The following LAMB3 variants were observed in gnomAD, a reference collection of about 807,000 sequenced individuals.
LAMB3 encodes laminin subunit beta 3.
In LAMB3, 104 loss-of-function variants were observed where a neutral mutation model predicts 140.3. The observed-to-expected ratio is 0.74, with a 90% confidence interval of 0.63 to 0.87. The LOEUF (loss-of-function observed/expected upper bound fraction) is 0.87. Ranked by LOEUF, LAMB3 falls within the 40% of genes least tolerant of loss-of-function variation. The probability of loss-of-function intolerance (pLI) is 0.00; values close to 1 mark genes in which losing one functional copy is unlikely to be tolerated. For synonymous variants in LAMB3, 592 were observed against 602.9 expected (o/e 0.98, Z 0.26); for missense variants, 1,531 against 1,575.2 (o/e 0.97, Z 0.47).
rs1666286589 is a variant in LAMB3, at chr1:209,623,460, C to T, written c.2358+45G>A. On this transcript the variant is annotated intron_variant, in intron 16 of 22. Transcript: ENST00000356082. This position sits in a 1 kb window ranked among gnomAD's most constrained non-coding sequence, Gnocchi z 4.2. ...GTGGCAGCAGTTGGTGTGTGACAAGCTGGGGTGTGGGCTCCAGGAAGTGGG... is the reference window on the plus strand; with the variant it reads ...GTGGCAGCAGTTGGTGTGTGACAAGTTGGGGTGTGGGCTCCAGGAAGTGGG... 1.9e-6 allele frequency: 3 copies of T among 1,571,362 alleles called. No homozygotes were observed. Among genetic ancestry groups the T allele is most frequent in the Non-Finnish European group, 2.6e-6 (3 of 1,140,974 alleles).
intron 22 of LAMB3, among the ~76,000 whole-genome samples, chr1:209,616,229 C>T (rs548334020): frequency 5.9e-5 from 9 of 152,324 alleles, no homozygotes; most frequent in African/African-American, 2.2e-4. Context: ...TATGACCCCA[C>T]TGTTTGCAAA....
intron 6 of LAMB3, among the ~76,000 whole-genome samples, chr1:209,634,074 G>T (rs11119317): frequency 0.092 from 13,957 of 152,178 alleles, 983 homozygotes; most frequent in African/African-American, 0.17. Flanking sequence ...AAGGTGAAAT[G>T]AAATTTGTGT....
chr1:209,625,607 A>G, intron 14 of LAMB3, 41 bp downstream of exon 14: 1 of 1,613,114 alleles, frequency 6.2e-7, no homozygotes, highest in South Asian at 1.1e-5. Flanking sequence ...GAACCCCTGG[A>G]GCATAATTCT....
intron 20 of LAMB3, 127 bp from the exon 21 acceptor site, chr1:209,617,713 C>T: frequency 1.6e-6 from 2 of 1,248,146 alleles, no homozygotes; most frequent in Non-Finnish European, 2.3e-6. Context: ...CAATTGCCCA[C>T]CTCTCACCCC....
At position 209,618,449 on chromosome 1, in the gene LAMB3, T is replaced by C; in HGVS notation, c.2909+3A>G. ...GAGAGAAGTTCAGGGCCCAAGGCCATACCTGGCTTCCTCAGCCTCAGCCTG... is the reference window on the plus strand; with the variant it reads ...GAGAGAAGTTCAGGGCCCAAGGCCACACCTGGCTTCCTCAGCCTCAGCCTG... On this transcript the variant is annotated splice_donor_region_variant and intron_variant, in intron 19 of 22. Transcript: ENST00000356082. 1 of 1,613,498 alleles carries C rather than the reference T, an allele frequency of 6.2e-7. No homozygotes were observed. Among genetic ancestry groups the C allele is most frequent in the Non-Finnish European group, 8.5e-7 (1 of 1,179,992 alleles).
chr1:209,636,278 C>G (rs536654196), intron 5 of LAMB3, among the ~76,000 whole-genome samples: 1 of 152,296 alleles, frequency 6.6e-6, no homozygotes, highest in Admixed American at 6.5e-5. Context: ...GCACTGTAGC[C>G]TGGTGAACAG....
At chr1:209,645,346 T>C (rs1295052223) in intron 3 of LAMB3, among the ~76,000 whole-genome samples, 2 of 152,180 alleles carry the variant, frequency 1.3e-5, no homozygotes, top group Non-Finnish European at 2.9e-5. Flanking sequence ...TCAGTAATGC[T>C]TCATCCAAAA....
intron 19 of LAMB3, 61 bp downstream of exon 19, chr1:209,618,391 T>G (rs2102406431): frequency 6.5e-7 from 1 of 1,538,742 alleles, no homozygotes; most frequent in South Asian, 1.1e-5. Context: ...AGCAACGGGG[T>G]TGAGGAGCAA....
intron 18 of LAMB3, among the ~76,000 whole-genome samples, chr1:209,621,140 G>A (rs1228167712): frequency 2.0e-5 from 3 of 152,348 alleles, no homozygotes; most frequent in African/African-American, 7.2e-5. Flanking sequence ...CACCCGGCAG[G>A]AGAGAATTCC....
In LAMB3 at chr1:209,623,361, T is replaced by C; in HGVS notation, c.2358+144A>G. ...TCCTTGGCAACCACTGAGCTCACAG[T>C]GAGCAGTACAAGGGTCGGGATGGCT... is the stretch of plus-strand genomic sequence containing the variant. On this transcript the variant is annotated intron_variant, in intron 16 of 22. Coordinates refer to ENST00000356082, the MANE Select transcript of LAMB3 (RefSeq NM_000228.3). This position sits in a 1 kb window ranked among gnomAD's most constrained non-coding sequence, Gnocchi z 4.2. The C allele has an allele frequency of 9.8e-7, 1 of 1,016,410 alleles. No homozygotes were observed. The highest frequency in any genetic ancestry group is 1.5e-6 in the Non-Finnish European group (1 of 653,920). 63.0% of individuals were successfully genotyped at this position (1,016,410 alleles called of 1,614,324 possible).
At chr1:209,621,563 A>T (rs1666196203) in intron 18 of LAMB3, among the ~76,000 whole-genome samples, 1 of 152,222 alleles carries the variant, frequency 6.6e-6, no homozygotes, top group Admixed American at 6.5e-5. Context: ...CAGAAATCTA[A>T]CAATATCAAC....
intron 5 of LAMB3, 104 bp from the exon 6 acceptor site, chr1:209,634,742 G>C: frequency 1.0e-6 from 1 of 968,064 alleles, no homozygotes; most frequent in Non-Finnish European, 1.6e-6. Context: ...GAGAAAGGGG[G>C]CCCAGTGGGA....
rs1266646425 is a variant in LAMB3, at chr1:209,630,664, G to A, written c.894C>T (p.Asn298=). The change falls in exon 9 of 23, where the codon AAC becomes AAT. Residue 298 remains asparagine, a synonymous_variant. Transcript: ENST00000356082. ...CCTCCGCCGGTCTCCAGGGCCGGTT[G>A]TTGTAGAAGGGTGCACAGCGCTCAC... The part of the protein sequence containing the change: ...PNCERCAPFY[N]NRPWRPAEGQ... 3 of 1,614,030 alleles carry A rather than the reference G, an allele frequency of 1.9e-6. No individual in the cohort carries two copies. In the African/African-American group the frequency reaches 4.0e-5, roughly 22 times the overall value.
rs935326367 is a variant in LAMB3, at chr1:209,623,762, G to C, written c.2138-37C>G. 4 of 1,613,322 alleles carry C rather than the reference G, an allele frequency of 2.5e-6. No homozygotes were observed. The highest frequency in any genetic ancestry group is 3.4e-6 in the Non-Finnish European group (4 of 1,179,602). On this transcript the variant is annotated intron_variant, in intron 15 of 22. Coordinates refer to ENST00000356082, the MANE Select transcript of LAMB3 (RefSeq NM_000228.3). This position sits in a 1 kb window ranked among gnomAD's most constrained non-coding sequence, Gnocchi z 4.2. ...AGCATGAGGAATGGAGATGGAGGAG[G>C]AGCAGGAGGGAGAGGGGGTGGCATG...
intron 3 of LAMB3, among the ~76,000 whole-genome samples, chr1:209,643,821 AAAT>A (rs2076492357): frequency 6.6e-6 from 1 of 152,128 alleles, no homozygotes. Flanking sequence ...AAAAAAAAAA[AAAT>A]CTAGCTGCCT....
At chr1:209,631,944 G>T (rs1456090732) in intron 8 of LAMB3, among the ~76,000 whole-genome samples, 1 of 152,188 alleles carries the variant, frequency 6.6e-6, no homozygotes, top group African/African-American at 2.4e-5. Flanking sequence ...CCCATGTTGG[G>T]TCCCTCTGCT....
Position 209,650,085 on chromosome 1 carries a change from C to T in LAMB3, c.62G>A (p.Cys21Tyr), listed in dbSNP as rs1265014760. Residue 21 changes from cysteine (C) to tyrosine (Y), a missense_variant, in exon 3 of 23, where the codon TGC becomes TAC. Cys to Tyr is a radical substitution (Grantham distance 194). Transcript: ENST00000356082. Reference protein sequence around the residue: ...LPGLLHAQQACSRGACYPPVG... With the variant: ...LPGLLHAQQAYSRGACYPPVG... ...AGGTGGATAGCAGGCCCCACGGGAG[C>T]AGGCTTGTTGGGCATGCAGGAGGCC... The T allele has an allele frequency of 1.2e-6, 2 of 1,614,034 alleles. No homozygotes were observed. The highest frequency in any genetic ancestry group is 2.2e-5 in the South Asian group (2 of 91,070).
At chr1:209,631,114 T>G (rs911909218) in intron 8 of LAMB3, among the ~76,000 whole-genome samples, 7 of 152,224 alleles carry the variant, frequency 4.6e-5, no homozygotes, top group Non-Finnish European at 7.3e-5. Context: ...GAGATTTCTA[T>G]TCCAACAATC....
At chr1:209,644,840 G>T (rs1240427397) in intron 3 of LAMB3, among the ~76,000 whole-genome samples, 1 of 152,232 alleles carries the variant, frequency 6.6e-6, no homozygotes, top group African/African-American at 2.4e-5. Flanking sequence ...TACAGGTCCT[G>T]CCAGTGGCAA....
Sources: gnomAD v4.1 joint callset for allele counts (sites outside exome capture counted in the v4.1 genomes callset) on GRCh38, gnomAD v4.1.1 for gene constraint, Gnocchi (gnomAD v3.1) non-coding constraint, MANE v1.5 for transcripts, NCBI Gene and HGNC (gene_info 2026-07-23, HGNC 2026-07-21) for gene names.